The following PLCB2 variants were observed in gnomAD, a reference collection of about 807,000 sequenced individuals.
PLCB2 encodes 1-phosphatidylinositol 4,5-bisphosphate phosphodiesterase beta-2.
PLCB2 carries 115 observed loss-of-function variants against 141.7 expected under a neutral mutation model. The observed-to-expected ratio is 0.81, with a 90% confidence interval of 0.70 to 0.95. PLCB2 has a LOEUF of 0.95. Among genes scored for constraint, PLCB2 ranks in the 40% least tolerant of loss-of-function variants. The probability of loss-of-function intolerance (pLI) is 0.00; values close to 1 mark genes in which losing one functional copy is unlikely to be tolerated. For synonymous variants in PLCB2, 603 were observed against 595.6 expected (o/e 1.01, Z -0.18); for missense variants, 1,403 against 1,541.1 (o/e 0.91, Z 1.50).
rs747437410 is a variant in PLCB2 at position 40,293,731 on chromosome 15, G to C, written c.2062-7C>G. 1 of 1,602,680 alleles carries C rather than the reference G, an allele frequency of 6.2e-7. No homozygotes were observed. Among genetic ancestry groups the C allele is most frequent in the Non-Finnish European group, 8.5e-7 (1 of 1,171,008 alleles). ...GGAACTGCCCAGAGATCACCTGGGGGTAGGGGCCCAGGAAAACCAGCATCA... is the reference window on the plus strand; with the variant it reads ...GGAACTGCCCAGAGATCACCTGGGGCTAGGGGCCCAGGAAAACCAGCATCA... On this transcript the variant is annotated splice_region_variant and splice_polypyrimidine_tract_variant and intron_variant, in intron 19 of 31. Transcript: ENST00000260402.
At position 40,297,402 on chromosome 15, in the gene PLCB2, G is replaced by T. The variant is rs11853982; in HGVS notation, c.1323+119C>A. 1.3e-6 allele frequency: 1 copy of T among 777,688 alleles called. No individual in the cohort carries two copies. Among genetic ancestry groups the T allele is most frequent in the African/African-American group, 1.7e-5 (1 of 58,792 alleles). The allele number at this position is 777,688 out of a possible 1,614,324, so 48.2% of individuals were successfully genotyped here. ...CGGAAGGTGACAGGATCCCAGACCC[G>T]CATCTAACCAAGTGAACCCTAGCAT... On this transcript the variant is annotated intron_variant, in intron 13 of 31. Coordinates refer to ENST00000260402, the MANE Select transcript of PLCB2 (RefSeq NM_004573.3). This position sits in a 1 kb window ranked among gnomAD's most constrained non-coding sequence, Gnocchi z 4.2.
In PLCB2 at chr15:40,297,262, G is replaced by A. The variant is rs1448930759; in HGVS notation, c.1323+259C>T. On this transcript the variant is annotated intron_variant, in intron 13 of 31. Coordinates refer to ENST00000260402, the MANE Select transcript of PLCB2 (RefSeq NM_004573.3). The surrounding 1 kb of genome is among the most constrained non-coding windows in gnomAD (Gnocchi z 4.2). ...CCAGGTGCTCCCATAACAACCACTG[G>A]ATTGTAATGGCCTGGTTACTTGTCT... 5.3e-5 allele frequency among the ~76,000 whole-genome samples: 8 copies of A among 151,960 alleles called. No homozygotes were observed. In the East Asian group the frequency reaches 1.6e-3, roughly 30 times the overall value.
chr15:40,298,724 T>C lies in PLCB2; in HGVS notation c.851-16A>G. 1 of 1,613,508 alleles carries C rather than the reference T, an allele frequency of 6.2e-7. No individual in the cohort carries two copies. On this transcript the variant is annotated splice_polypyrimidine_tract_variant and intron_variant, in intron 9 of 31. Transcript: ENST00000260402. ...GACAGCTGGCCTGGGGGACAGGAGATAGCTGTCAGGCTACAACCCCGCTGC... is the reference window on the plus strand; with the variant it reads ...GACAGCTGGCCTGGGGGACAGGAGACAGCTGTCAGGCTACAACCCCGCTGC...
chr15:40,302,226 G>A, intron 5 of PLCB2, 37 bp from the exon 6 acceptor site: 3 of 1,613,934 alleles, frequency 1.9e-6, no homozygotes, highest in South Asian at 2.2e-5. Flanking sequence ...GCCCAGGGCT[G>A]GCATGCTCAG....
intron 31 of PLCB2, 134 bp downstream of exon 31, chr15:40,289,138 G>A: frequency 9.8e-7 from 1 of 1,015,672 alleles, no homozygotes; most frequent in Non-Finnish European, 1.5e-6. Flanking sequence ...CATTTGAAAG[G>A]GCCTCGGGAC....
rs942006301 is a variant in PLCB2 at position 40,297,083 on chromosome 15, C to T, written c.1324-175G>A. 3.9e-5 allele frequency among the ~76,000 whole-genome samples: 6 copies of T among 152,162 alleles called. No individual in the cohort carries two copies. The highest frequency in any genetic ancestry group is 7.4e-5 in the Non-Finnish European group (5 of 68,026). The stretch of plus-strand genomic sequence containing the variant: ...TCCAGCTTATCCCTTGGAGTAAATG[C>T]GGCTCATCTTGTGCTTGTTGTAGCT... On this transcript the variant is annotated intron_variant, in intron 13 of 31. Transcript: ENST00000260402. The surrounding 1 kb of genome is among the most constrained non-coding windows in gnomAD (Gnocchi z 4.2).
chr15:40,291,413 C>A lies in PLCB2; in HGVS notation c.2722G>T (p.Glu908Ter). The change falls in exon 26 of 32, where the codon GAG (glutamate) becomes TAG (stop). Residue 908 changes from glutamate (E) to a stop codon, truncating the protein, a stop_gained. Transcript: ENST00000260402. LOFTEE classifies it high-confidence loss of function. ...CCGCGCCGCTCCAACTCTCGCAGCTCCTTCTCGTGCCGCCGCTGCAGCTTC... is the reference window on the plus strand; with the variant it reads ...CCGCGCCGCTCCAACTCTCGCAGCTACTTCTCGTGCCGCCGCTGCAGCTTC... ...VVKLQRRHEKELRELERRGAR... is the reference protein window; with the variant it reads ...VVKLQRRHEK 1 of 1,537,726 alleles carries A rather than the reference C, an allele frequency of 6.5e-7. No homozygotes were observed. The highest frequency in any genetic ancestry group is 1.7e-4 in the Middle Eastern group (1 of 5,898).
At position 40,302,542 on chromosome 15, in the gene PLCB2, G is replaced by T; in HGVS notation, c.299C>A (p.Thr100Lys). 6.2e-7 allele frequency: 1 copy of T among 1,614,174 alleles called. No homozygotes were observed. The highest frequency in any genetic ancestry group is 8.5e-7 in the Non-Finnish European group (1 of 1,180,008). Residue 100 changes from threonine to lysine, a missense_variant, in exon 4 of 32, where the codon ACG (threonine) becomes AAG (lysine). Coordinates refer to ENST00000260402, the MANE Select transcript of PLCB2 (RefSeq NM_004573.3). ...CACCATGTCCGGGCCGGACACCACCGTGAGTGTCTTCAGCAGGAAACTGTT... is the reference window on the plus strand; with the variant it reads ...CACCATGTCCGGGCCGGACACCACCTTGAGTGTCTTCAGCAGGAAACTGTT... ...PDNSFLLKTLTVVSGPDMVDL... is the reference protein window; with the variant it reads ...PDNSFLLKTLKVVSGPDMVDL...
chr15:40,291,821 C>T (rs1206303411), intron 24 of PLCB2, 28 bp downstream of exon 24: 1 of 1,614,016 alleles, frequency 6.2e-7, no homozygotes, highest in Non-Finnish European at 8.5e-7. Context: ...GAGGTGCCCC[C>T]AGTAGGTGTG....
chr15:40,301,712 G>A (rs1017006816), intron 7 of PLCB2: 20 of 704,728 alleles, frequency 2.8e-5, no homozygotes, highest in Middle Eastern at 2.3e-4. Context: ...CAGCCCCAGC[G>A]CCCCCACCAC....
At chr15:40,293,945 C>T (rs988021020) in intron 19 of PLCB2, among the ~76,000 whole-genome samples, 23 of 152,188 alleles carry the variant, frequency 1.5e-4, no homozygotes, top group African/African-American at 5.3e-4. Flanking sequence ...AGGTGGGCCT[C>T]CCACCTCCCT....
Position 40,298,306 on chromosome 15 carries a change from G to C in PLCB2, c.1072C>G (p.Leu358Val). The change falls in exon 11 of 32, where the codon CTA (leucine) becomes GTA (valine). Residue 358 changes from leucine (L) to valine (V), a missense_variant. This residue lies in a region of PLCB2 where 975 missense variants were observed against 1,141.1 expected (regional missense o/e 0.85). Coordinates refer to ENST00000260402, the MANE Select transcript of PLCB2 (RefSeq NM_004573.3). ...GGGGGTTTCCCCTTCCAGCAGTCTA[G>C]CTCCACGCAACGGCAGCCAGAGAGC... ...VLLSGCRCVE[L>V]DCWKGKPPDE... The C allele has an allele frequency of 6.2e-7, 1 of 1,607,952 alleles. No individual in the cohort carries two copies. The highest frequency in any genetic ancestry group is 8.5e-7 in the Non-Finnish European group (1 of 1,175,868).
At chr15:40,301,911 G>T in intron 7 of PLCB2, 46 bp downstream of exon 7, 1 of 1,557,330 alleles carries the variant, frequency 6.4e-7, no homozygotes, top group Non-Finnish European at 8.9e-7. Flanking sequence ...GCTTTCTGGT[G>T]GGGACAAGAA....
chr15:40,291,003 GC>G lies in PLCB2; in HGVS notation c.3036+14del. 6.3e-7 allele frequency: 1 copy of G among 1,587,348 alleles called. No individual in the cohort carries two copies. ...GTGGGGCTGGTGGGGTTGTCGCCCT[GC>G]CCCTCCCGGCCACCTCGGCCACGTG... is the stretch of plus-strand genomic sequence containing the variant. On this transcript the variant is annotated intron_variant, in intron 27 of 31. Coordinates refer to ENST00000260402, the MANE Select transcript of PLCB2 (RefSeq NM_004573.3).
At chr15:40,301,889 C>T in intron 7 of PLCB2, 68 bp downstream of exon 7, 1 of 1,429,046 alleles carries the variant, frequency 7.0e-7, no homozygotes, top group Non-Finnish European at 9.8e-7. Flanking sequence ...ACCCACCATT[C>T]CTGGCCAAGT....
At chr15:40,301,731 G>A in intron 7 of PLCB2, 1 of 707,014 alleles carries the variant, frequency 1.4e-6, no homozygotes, top group Middle Eastern at 2.3e-4. Context: ...ACCCAGGGTA[G>A]GGGATACAGA....
downstream of PLCB2, among the ~76,000 whole-genome samples, chr15:40,286,481 TGCAGGGGGC>T (rs975303551): frequency 7.6e-4 from 116 of 152,184 alleles, no homozygotes; most frequent in African/African-American, 2.8e-3. Flanking sequence ...GCTCAGGGGA[TGCAGGGGGC>T]GGGGTGAGTC....
intron 7 of PLCB2, chr15:40,301,296 G>A (rs1310864660): frequency 5.4e-5 from 28 of 513,966 alleles, no homozygotes; most frequent in Non-Finnish European, 9.0e-5. Flanking sequence ...AAGAGCACTG[G>A]CCAAGCAGGG....
intron 2 of PLCB2, 142 bp from the exon 3 acceptor site, chr15:40,303,498 C>T: frequency 1.5e-6 from 1 of 651,714 alleles, no homozygotes; most frequent in Non-Finnish European, 2.8e-6. Flanking sequence ...GCCAGGCTGC[C>T]CAGGGCCAGC....
Sources: gnomAD v4.1 joint callset for allele counts (sites outside exome capture counted in the v4.1 genomes callset) on GRCh38, gnomAD v4.1.1 for gene constraint, gnomAD v4.1.1 regional missense constraint, Gnocchi (gnomAD v3.1) non-coding constraint, MANE v1.5 for transcripts, NCBI Gene and HGNC (gene_info 2026-07-23, HGNC 2026-07-21) for gene names.